PAX8: variants seen among roughly 807,000 people sequenced by gnomAD.
The protein encoded by PAX8 is paired box protein Pax-8.
A neutral mutation model predicts 52.4 loss-of-function variants in PAX8; 15 were observed. The observed-to-expected ratio is 0.29, with a 90% CI of 0.19 to 0.44. The LOEUF is 0.44. Among genes scored for constraint, PAX8 ranks in the 20% least tolerant of loss-of-function variants. The pLI is 1.00. For synonymous variants in PAX8, 284 were observed against 249.7 expected, an observed-to-expected ratio of 1.14 and a Z score of -1.29; for missense variants, 554 against 602.5, an observed-to-expected ratio of 0.92 and a Z score of 0.84.
At chr2:113,253,936 A>G (rs541772385) in intron 2 of PAX8, among the ~76,000 whole-genome samples, 1 of 152,310 alleles carries the variant, frequency 6.6e-6, no homozygotes, top group Non-Finnish European at 1.5e-5. Context: ...GCATAACTAT[A>G]TATGTATGAA....
At chr2:113,227,348 T>C (rs894412672) in intron 9 of PAX8, 92 bp from the exon 10 acceptor site, 11 of 1,030,948 alleles carry the variant, frequency 1.1e-5, no homozygotes, top group Non-Finnish European at 1.6e-5. Context: ...CTCCATGCCA[T>C]TCCCACCCTC....
intron 7 of PAX8, chr2:113,237,070 T>G (rs2104465261): frequency 3.5e-6 from 1 of 286,636 alleles, no homozygotes; most frequent in East Asian, 7.0e-5. Context: ...TGGAGCAGTC[T>G]CCAACCGGAC....
At chr2:113,256,744 A>G (rs2104549115) in intron 2 of PAX8, among the ~76,000 whole-genome samples, 1 of 151,984 alleles carries the variant, frequency 6.6e-6, no homozygotes, top group African/African-American at 2.4e-5. Context: ...TCATGTATTC[A>G]TTTATTTCCA....
chr2:113,255,994 T>TAAAA (rs33968693), intron 2 of PAX8, among the ~76,000 whole-genome samples: 2 of 135,310 alleles, frequency 1.5e-5, no homozygotes, highest in African/African-American at 5.4e-5. Flanking sequence ...GCTCAATCAG[T>TAAAA]AAAAAAAAAA....
At chr2:113,278,256 CGGGT>C in intron 2 of PAX8, 110 bp downstream of exon 2, 2 of 857,750 alleles carry the variant, frequency 2.3e-6, no homozygotes, top group Non-Finnish European at 1.9e-6. Flanking sequence ...GGTCCCCACG[CGGGT>C]GGGTCCCGCG....
chr2:113,219,824 C>T (rs1415113337), intron 11 of PAX8, among the ~76,000 whole-genome samples: 1 of 152,172 alleles, frequency 6.6e-6, no homozygotes, highest in Non-Finnish European at 1.5e-5. Context: ...AGCCCTGAAT[C>T]TTACACAAAA....
intron 2 of PAX8, among the ~76,000 whole-genome samples, chr2:113,255,761 G>C (rs1442376966): frequency 6.6e-6 from 1 of 151,776 alleles, no homozygotes; most frequent in East Asian, 1.9e-4. Flanking sequence ...GATGGGAGGT[G>C]ATCTACACAG....
At chr2:113,233,100 C>G (rs1207219124) in intron 9 of PAX8, among the ~76,000 whole-genome samples, 3 of 149,678 alleles carry the variant, frequency 2.0e-5, no homozygotes, top group Non-Finnish European at 3.0e-5. Flanking sequence ...CTCCCTACCC[C>G]GCATCCCATT....
chr2:113,236,454 G>T, intron 8 of PAX8, 147 bp downstream of exon 8: 1 of 760,726 alleles, frequency 1.3e-6, no homozygotes, highest in South Asian at 1.9e-5. Flanking sequence ...TAGGACCGGA[G>T]GCGCGACCCC....
At chr2:113,237,385 A>G (rs1402073931) in intron 7 of PAX8, 5 of 152,144 alleles carry the variant, frequency 3.3e-5, no homozygotes, top group Admixed American at 6.6e-5. Flanking sequence ...ACTCAGGTAA[A>G]TGGCCCAATT....
intron 9 of PAX8, 168 bp downstream of exon 9, chr2:113,235,226 C>T: frequency 5.8e-6 from 3 of 515,942 alleles, no homozygotes; most frequent in Non-Finnish European, 9.8e-6. Context: ...CATGTCTTCC[C>T]CGTCACAGAG....
chr2:113,250,996 A>G (rs1348430147), intron 2 of PAX8: 2 of 149,326 alleles, frequency 1.3e-5, no homozygotes, highest in East Asian at 1.9e-4. Flanking sequence ...TTCAGGGGGA[A>G]AGAAATCCAT....
intron 2 of PAX8, chr2:113,259,182 T>TA (rs1173734314): frequency 6.6e-6 from 1 of 152,582 alleles, no homozygotes; most frequent in Admixed American, 6.5e-5. Flanking sequence ...GTATATAAAG[T>TA]AACAGCAGAT....
At chr2:113,268,009 C>G (rs570301781) in intron 2 of PAX8, 1 of 152,390 alleles carries the variant, frequency 6.6e-6, no homozygotes, top group Non-Finnish European at 1.5e-5. Flanking sequence ...CAACCCTGCC[C>G]TTGCGTGAGC....
chr2:113,249,323 C>T (rs1165625102), intron 2 of PAX8, among the ~76,000 whole-genome samples: 9 of 152,192 alleles, frequency 5.9e-5, no homozygotes, highest in South Asian at 2.1e-4. Context: ...TGTTGCCTTC[C>T]GGCTCTTTTG....
At chr2:113,226,458 C>G (rs759625905) in intron 10 of PAX8, 37 of 988,150 alleles carry the variant, frequency 3.7e-5, no homozygotes, top group Non-Finnish European at 4.4e-5. Context: ...CAGACCTTGT[C>G]ATCTTGAATC....
intron 2 of PAX8, among the ~76,000 whole-genome samples, chr2:113,249,879 T>C (rs1030362105): frequency 1.3e-5 from 2 of 152,218 alleles, no homozygotes; most frequent in African/African-American, 4.8e-5. Context: ...AGTCTTATCA[T>C]TTGAGAAAGT....
chr2:113,244,336 T>G, intron 4 of PAX8, 91 bp downstream of exon 4: 1 of 1,003,220 alleles, frequency 1.0e-6, no homozygotes, highest in South Asian at 1.3e-5. Flanking sequence ...CGGCCTCTGC[T>G]CCACCCAAGC....
intron 2 of PAX8, chr2:113,265,873 G>A (rs1450829580): frequency 6.6e-6 from 1 of 152,202 alleles, no homozygotes; most frequent in Non-Finnish European, 1.5e-5. Flanking sequence ...TGTGGCCAGA[G>A]GATGGGTGAG....
Sources: allele counts gnomAD v4.1 joint callset (sites outside exome capture counted in the v4.1 genomes callset), GRCh38; gene constraint gnomAD v4.1.1; transcripts MANE v1.5; gene names NCBI Gene and HGNC (gene_info 2026-07-23, HGNC 2026-07-21).